Variants in PRKN observed in about 807,000 individuals in gnomAD.
PRKN encodes the protein E3 ubiquitin-protein ligase parkin.
In PRKN, 56 loss-of-function variants were observed where a neutral mutation model predicts 59.5. The ratio of observed to expected loss-of-function variants is 0.94; its 90% confidence interval spans 0.76 to 1.18. The LOEUF is 1.18. Among genes scored for constraint, PRKN ranks in the 50% most tolerant of loss-of-function variants. The pLI is 0.00. For missense variants in PRKN, 657 were observed against 596.4 expected, an observed-to-expected ratio of 1.10 and a Z score of -1.06; for synonymous variants, 250 against 222.1, an observed-to-expected ratio of 1.13 and a Z score of -1.12.
intron 7 of PRKN, among the ~76,000 whole-genome samples, chr6:161,733,793 T>TATATATATATATATATACAC (rs1562641758): frequency 2.9e-5 from 2 of 70,054 alleles, no homozygotes; most frequent in African/African-American, 1.1e-4. Flanking sequence ...AATATATATA[T>TATATATATATATATATACAC]ATATGTATAT....
At chr6:161,913,278 T>A (rs1410301265) in intron 6 of PRKN, among the ~76,000 whole-genome samples, 1 of 151,194 alleles carries the variant, frequency 6.6e-6, no homozygotes, top group Non-Finnish European at 1.5e-5. Flanking sequence ...GGGAAAAGAC[T>A]AAGCAATACA....
At chr6:162,391,496 A>G (rs1465458799) in intron 2 of PRKN, among the ~76,000 whole-genome samples, 1 of 150,268 alleles carries the variant, frequency 6.7e-6, no homozygotes, top group Non-Finnish European at 1.5e-5. Context: ...CTGGAAGATA[A>G]TTTTCTTACT....
chr6:162,726,107 C>T (rs1250047420), intron 1 of PRKN, among the ~76,000 whole-genome samples: 2 of 152,088 alleles, frequency 1.3e-5, no homozygotes, highest in Non-Finnish European at 2.9e-5. Context: ...ACATTTCATC[C>T]TAATAAAGTT....
intron 2 of PRKN, among the ~76,000 whole-genome samples, chr6:162,410,327 T>C (rs370343080): frequency 2.0e-5 from 3 of 152,088 alleles, no homozygotes; most frequent in Non-Finnish European, 4.4e-5. Flanking sequence ...TTTGCCCCCA[T>C]TGGATAGTTT....
chr6:162,372,106 T>C (rs1202672093), intron 2 of PRKN, among the ~76,000 whole-genome samples: 2 of 152,204 alleles, frequency 1.3e-5, no homozygotes, highest in African/African-American at 4.8e-5. Context: ...AAGGACATAC[T>C]GGTTTCCTTA....
chr6:162,011,361 A>G (rs1583483191), intron 5 of PRKN, among the ~76,000 whole-genome samples: 1 of 18,814 alleles, frequency 5.3e-5, no homozygotes, highest in South Asian at 1.2e-3. Context: ...ATATATTTAT[A>G]ATATATATAA....
intron 1 of PRKN, among the ~76,000 whole-genome samples, chr6:162,692,995 C>A (rs1421124689): frequency 6.6e-6 from 1 of 152,062 alleles, no homozygotes; most frequent in Non-Finnish European, 1.5e-5. Flanking sequence ...TTAAATCAGC[C>A]TCCAGATTTC....
At chr6:162,593,835 A>G (rs1781395672) in intron 1 of PRKN, among the ~76,000 whole-genome samples, 1 of 152,202 alleles carries the variant, frequency 6.6e-6, no homozygotes, top group Admixed American at 6.5e-5. Context: ...TAGATAATTT[A>G]TTCTAGAATA....
At chr6:162,285,090 C>A (rs1781120779) in intron 2 of PRKN, among the ~76,000 whole-genome samples, 1 of 152,066 alleles carries the variant, frequency 6.6e-6, no homozygotes, top group Non-Finnish European at 1.5e-5. Flanking sequence ...CAGAAGGAAT[C>A]AACCCTACTG....
At chr6:161,668,121 G>T (rs1219426093) in intron 7 of PRKN, among the ~76,000 whole-genome samples, 1 of 151,786 alleles carries the variant, frequency 6.6e-6, no homozygotes, top group East Asian at 1.9e-4. Context: ...TATAAGTCTT[G>T]TTCGCTCATC....
chr6:161,610,761 G>A (rs1314725845), intron 7 of PRKN, among the ~76,000 whole-genome samples: 1 of 152,068 alleles, frequency 6.6e-6, no homozygotes, highest in Non-Finnish European at 1.5e-5. Context: ...CAGTGCCCAG[G>A]AAAGAGGATG....
chr6:162,710,865 G>A (rs1427584327), intron 1 of PRKN, among the ~76,000 whole-genome samples: 3 of 152,166 alleles, frequency 2.0e-5, no homozygotes, highest in African/African-American at 7.2e-5. Flanking sequence ...TAAAGAGGTG[G>A]GAAGGGCCTA....
chr6:161,557,117 T>C (rs1234731422), intron 8 of PRKN, among the ~76,000 whole-genome samples: 1 of 152,208 alleles, frequency 6.6e-6, no homozygotes, highest in Non-Finnish European at 1.5e-5. Flanking sequence ...TTCTCCTGTA[T>C]TTTATCAGAT....
chr6:162,013,333 C>T (rs1481630342), intron 5 of PRKN, among the ~76,000 whole-genome samples: 1 of 152,098 alleles, frequency 6.6e-6, no homozygotes, highest in Non-Finnish European at 1.5e-5. Context: ...TTGGATACGT[C>T]CTCACTGTTA....
chr6:161,518,189 T>C lies in PRKN; in HGVS notation c.1083+30665A>G, dbSNP rs1185197728. ...GCAGCTGGACAGTGACTCCACACCA[T>C]GGGGCCGGGGAGGTGGCAACATAGG... is the stretch of plus-strand genomic sequence containing the variant. On this transcript the variant is annotated intron_variant, in intron 9 of 11. Coordinates refer to ENST00000366898, the MANE Select transcript of PRKN (RefSeq NM_004562.3). This position sits in a 1 kb window ranked among gnomAD's most constrained non-coding sequence, Gnocchi z 5.0. Among the ~76,000 whole-genome samples the C allele has an allele frequency of 1.3e-5, 2 of 152,140 alleles. No individual in the cohort carries two copies. Among genetic ancestry groups the C allele is most frequent in the Admixed American group, 1.3e-4 (2 of 15,278 alleles).
chr6:162,500,801 C>G (rs904714887), intron 1 of PRKN, among the ~76,000 whole-genome samples: 1 of 152,122 alleles, frequency 6.6e-6, no homozygotes, highest in Non-Finnish European at 1.5e-5. Flanking sequence ...AAATGTACCT[C>G]AAAAACTATG....
At chr6:162,170,827 A>G (rs1055448495) in intron 4 of PRKN, among the ~76,000 whole-genome samples, 1 of 152,230 alleles carries the variant, frequency 6.6e-6, no homozygotes, top group Non-Finnish European at 1.5e-5. Context: ...GGTGGTTTAA[A>G]AGGTAAGAAA....
intron 2 of PRKN, among the ~76,000 whole-genome samples, chr6:162,325,946 A>G (rs545060914): frequency 1.3e-5 from 2 of 152,308 alleles, no homozygotes; most frequent in East Asian, 1.9e-4. Context: ...ATCCGTGGTC[A>G]TGTCTAATGG....
intron 2 of PRKN, among the ~76,000 whole-genome samples, chr6:162,291,322 C>G (rs962250788): frequency 6.7e-6 from 1 of 148,310 alleles, no homozygotes; most frequent in Admixed American, 6.8e-5. Flanking sequence ...AAGAGATTGC[C>G]TGGAACAAGC....
Sources: allele counts gnomAD v4.1 joint callset (sites outside exome capture counted in the v4.1 genomes callset), GRCh38; gene constraint gnomAD v4.1.1; non-coding constraint Gnocchi (gnomAD v3.1); transcripts MANE v1.5; gene names NCBI Gene and HGNC (gene_info 2026-07-23, HGNC 2026-07-21).